The following FAT3 variants were observed in gnomAD, a reference collection of about 807,000 sequenced individuals.
FAT3 encodes the protein protocadherin Fat 3.
Under a neutral mutation model 310.2 loss-of-function variants are expected in FAT3, and 95 were observed. The ratio of observed to expected loss-of-function variants is 0.31; its 90% CI spans 0.26 to 0.36. The LOEUF is 0.36. Among genes scored for constraint, FAT3 ranks in the 10% least tolerant of loss-of-function variants. FAT3 has a pLI of 1.00. For missense variants in FAT3, 5,408 were observed against 5,715.6 expected (o/e 0.95, Z 1.74); for synonymous variants, 2,314 against 2,192.9 (o/e 1.06, Z -1.54).
chr11:92,472,391 A>G (rs1951932652), intron 2 of FAT3, among the ~76,000 whole-genome samples: 1 of 152,080 alleles, frequency 6.6e-6, no homozygotes, highest in Admixed American at 6.6e-5. Flanking sequence ...CAGTCATCAT[A>G]GGTTTGACCT....
chr11:92,640,823 C>T (rs1429510646), intron 3 of FAT3, among the ~76,000 whole-genome samples: 3 of 152,206 alleles, frequency 2.0e-5, no homozygotes, highest in African/African-American at 7.2e-5. Context: ...CTTTCCCCAA[C>T]ATAAGGCACA....
chr11:92,347,103 A>T (rs573070728), intron 1 of FAT3, among the ~76,000 whole-genome samples: 26 of 152,318 alleles, frequency 1.7e-4, no homozygotes, highest in Admixed American at 1.0e-3. Context: ...GAGAGGTTCA[A>T]TAGCTTGCCT....
chr11:92,266,685 T>C lies in FAT3; in HGVS notation c.-18+41511T>C, dbSNP rs922814355. Among the ~76,000 whole-genome samples the C allele has an allele frequency of 2.0e-5, 3 of 152,178 alleles. No individual in the cohort carries two copies. The East Asian group carries it at 5.8e-4, about 29-fold the overall frequency. On this transcript the variant is annotated intron_variant, in intron 1 of 27. Coordinates refer to ENST00000525166, the MANE Select transcript of FAT3 (RefSeq NM_001367949.2). ...GCCCATCCTCGAGTAGCAAGCTCTC[T>C]GCTCAGGGATGGCAGAAATTGCAGA...
chr11:92,562,260 A>T (rs1955252535), intron 3 of FAT3, among the ~76,000 whole-genome samples: 1 of 152,200 alleles, frequency 6.6e-6, no homozygotes. Flanking sequence ...TTTGTATCAT[A>T]TACAATACTT....
At chr11:92,825,583 A>G (rs780730925) in intron 13 of FAT3, among the ~76,000 whole-genome samples, 1 of 152,138 alleles carries the variant, frequency 6.6e-6, no homozygotes, top group Non-Finnish European at 1.5e-5. Context: ...GCCTTCAGGC[A>G]GCACTGGGGT....
chr11:92,890,539 A>T lies in FAT3; in HGVS notation c.13196A>T (p.Asp4399Val), dbSNP rs754783587. The T allele has an allele frequency of 1.2e-6, 2 of 1,611,482 alleles. No homozygotes were observed. The highest frequency in any genetic ancestry group is 1.7e-6 in the Non-Finnish European group (2 of 1,179,198). ...SDWMPGARLS[D>V]IEEVPNYENQ... The stretch of plus-strand genomic sequence containing the variant: ...TGGATGCCAGGGGCCCGCCTGTCGG[A>T]CATAGAGGAAGTGCCCAACTATGAG... The change falls in exon 28 of 28, where the codon GAC becomes GTC. Residue 4399 changes from aspartate (D) to valine (V), a missense_variant. Coordinates refer to ENST00000525166, the MANE Select transcript of FAT3 (RefSeq NM_001367949.2).
At chr11:92,361,410 T>G (rs1466401909) in intron 2 of FAT3, among the ~76,000 whole-genome samples, 1 of 151,062 alleles carries the variant, frequency 6.6e-6, no homozygotes, top group South Asian at 2.1e-4. Flanking sequence ...AACAAATGTA[T>G]AGTGTTAAGA....
chr11:92,652,043 C>T (rs903294991), intron 3 of FAT3, among the ~76,000 whole-genome samples: 1 of 152,186 alleles, frequency 6.6e-6, no homozygotes, highest in Admixed American at 6.5e-5. Context: ...AGAGAGCTGA[C>T]AGTGTGGAAC....
chr11:92,864,608 G>A (rs1455696239), intron 21 of FAT3, among the ~76,000 whole-genome samples: 3 of 152,144 alleles, frequency 2.0e-5, no homozygotes, highest in East Asian at 3.9e-4. Context: ...ACACGGTCAG[G>A]AGATCAAGAC....
At position 92,893,217 on chromosome 11, in the gene FAT3, C is replaced by T. The variant is rs1565687588; in HGVS notation, c.*2104C>T. ...CTAAGTAAGTGGATACACTACACTT[C>T]ACAAGTTTTCCAGCCTTTCTCTTCC... On this transcript the variant is annotated 3_prime_UTR_variant, in exon 28 of 28. Coordinates refer to ENST00000525166, the MANE Select transcript of FAT3 (RefSeq NM_001367949.2). 6.6e-6 allele frequency: 1 copy of T among 152,102 alleles called. No homozygotes were observed. Among genetic ancestry groups the T allele is most frequent in the Non-Finnish European group, 1.5e-5 (1 of 68,038 alleles). 9.4% of individuals were successfully genotyped at this position (152,102 alleles called of 1,614,324 possible). A position where few individuals can be genotyped will look rare whatever the true frequency, so the allele number is the denominator to read the frequency against.
intron 4 of FAT3, among the ~76,000 whole-genome samples, chr11:92,716,357 G>C (rs1944686981): frequency 6.6e-6 from 1 of 152,040 alleles, no homozygotes; most frequent in African/African-American, 2.4e-5. Flanking sequence ...TGGTCATCCT[G>C]CTAGCAACTG....
intron 2 of FAT3, among the ~76,000 whole-genome samples, chr11:92,461,781 T>C (rs950215571): frequency 6.6e-6 from 1 of 152,282 alleles, no homozygotes; most frequent in East Asian, 1.9e-4. Flanking sequence ...TAATGTTAGA[T>C]GTTCAAATAG....
chr11:92,416,765 G>A (rs1327583388), intron 2 of FAT3, among the ~76,000 whole-genome samples: 1 of 152,190 alleles, frequency 6.6e-6, no homozygotes, highest in African/African-American at 2.4e-5. Flanking sequence ...TTGTGTAGCA[G>A]GTTCCAGTTA....
intron 3 of FAT3, among the ~76,000 whole-genome samples, chr11:92,668,515 G>C (rs507032): frequency 0.57 from 86,790 of 152,006 alleles, 26,550 homozygotes; most frequent in African/African-American, 0.8. Context: ...GGAGAAATAA[G>C]ACTGGGTGTT....
chr11:92,762,261 G>A, intron 5 of FAT3, 91 bp downstream of exon 5: 1 of 1,332,278 alleles, frequency 7.5e-7, no homozygotes, highest in East Asian at 2.4e-5. Flanking sequence ...TAAATCTTTA[G>A]AGTAAAAAGT....
chr11:92,652,249 C>A (rs756100587), intron 3 of FAT3, among the ~76,000 whole-genome samples: 1 of 152,182 alleles, frequency 6.6e-6, no homozygotes, highest in African/African-American at 2.4e-5. Flanking sequence ...GGGCACAAGG[C>A]GCTACCCCTG....
chr11:92,642,705 C>T (rs1942006445), intron 3 of FAT3, among the ~76,000 whole-genome samples: 1 of 152,204 alleles, frequency 6.6e-6, no homozygotes, highest in African/African-American at 2.4e-5. Flanking sequence ...TTACCCTTTA[C>T]TTACTGGGAG....
chr11:92,502,547 G>T (rs1203135531), intron 2 of FAT3, among the ~76,000 whole-genome samples: 1 of 152,124 alleles, frequency 6.6e-6, no homozygotes, highest in African/African-American at 2.4e-5. Context: ...AAAGCAGAGA[G>T]AAGATAGATT....
chr11:92,698,404 G>C (rs1944001204), intron 4 of FAT3, among the ~76,000 whole-genome samples: 1 of 152,136 alleles, frequency 6.6e-6, no homozygotes, highest in African/African-American at 2.4e-5. Context: ...GGCTACCTGG[G>C]TCTTGAAGCT....
Sources: gnomAD v4.1 joint callset for allele counts (sites outside exome capture counted in the v4.1 genomes callset) on GRCh38, gnomAD v4.1.1 for gene constraint, MANE v1.5 for transcripts, NCBI Gene and HGNC (gene_info 2026-07-23, HGNC 2026-07-21) for gene names.